The following DPP10 variants were observed in gnomAD, a reference collection of about 807,000 sequenced individuals.
DPP10 encodes inactive dipeptidyl peptidase 10.
A neutral mutation model predicts 120.9 loss-of-function variants in DPP10; 33 were observed. The ratio of observed to expected loss-of-function variants is 0.27; its 90% CI spans 0.21 to 0.37. The LOEUF (loss-of-function observed/expected upper bound fraction) is 0.37, where lower values mean the gene tolerates loss of function less well. Ranked by LOEUF, DPP10 falls within the 10% of genes least tolerant of loss-of-function variation. DPP10 has a pLI of 1.00. For synonymous variants in DPP10, 337 were observed against 326.1 expected (o/e 1.03, Z -0.36); for missense variants, 816 against 942.8 (o/e 0.87, Z 1.76).
chr2:114,485,460 C>CTT (rs1175079608), intron 1 of DPP10, among the ~76,000 whole-genome samples: 12 of 137,288 alleles, frequency 8.7e-5, no homozygotes, highest in African/African-American at 3.3e-4. Flanking sequence ...TCAGGAAAAA[C>CTT]TGTTTTTTTT....
intron 1 of DPP10, 27 bp downstream of exon 1, chr2:114,442,865 C>A: frequency 6.8e-6 from 11 of 1,612,636 alleles, no homozygotes; most frequent in Non-Finnish European, 9.3e-6. Context: ...CCCTCTGCTT[C>A]TGCACATGTG....
At chr2:114,861,216 A>C (rs1689785328) in intron 1 of DPP10, among the ~76,000 whole-genome samples, 1 of 152,334 alleles carries the variant, frequency 6.6e-6, no homozygotes, top group Admixed American at 6.5e-5. Context: ...GAGAGTAGGC[A>C]GACTGTACCC....
intron 3 of DPP10, among the ~76,000 whole-genome samples, chr2:115,399,367 CT>C (rs1409802201): frequency 1.3e-5 from 2 of 152,106 alleles, no homozygotes; most frequent in African/African-American, 2.4e-5. Context: ...ATGATCAAAA[CT>C]CTTGATAGGC....
At chr2:115,557,988 A>G (rs564512705) in intron 5 of DPP10, among the ~76,000 whole-genome samples, 14 of 152,302 alleles carry the variant, frequency 9.2e-5, no homozygotes, top group African/African-American at 3.1e-4. Context: ...TTTCCTTATC[A>G]TCTCTGGGAA....
intron 1 of DPP10, among the ~76,000 whole-genome samples, chr2:114,756,055 AG>A (rs1679713758): frequency 6.6e-6 from 1 of 152,196 alleles, no homozygotes; most frequent in Non-Finnish European, 1.5e-5. Context: ...CTTGAGAACA[AG>A]TATAGAAATA....
chr2:115,368,630 A>C (rs1390407607), intron 3 of DPP10, among the ~76,000 whole-genome samples: 1 of 151,994 alleles, frequency 6.6e-6, no homozygotes, highest in Non-Finnish European at 1.5e-5. Context: ...GTAGAAATGT[A>C]CTTATTACTA....
chr2:115,524,666 G>T (rs998663028), intron 4 of DPP10, among the ~76,000 whole-genome samples: 1 of 152,020 alleles, frequency 6.6e-6, no homozygotes, highest in South Asian at 2.1e-4. Context: ...ACTTGTAATC[G>T]CATGATTGAT....
At chr2:115,839,387 T>G (rs1689850301) in intron 24 of DPP10, among the ~76,000 whole-genome samples, 1 of 152,114 alleles carries the variant, frequency 6.6e-6, no homozygotes. Context: ...TTAAAAATGT[T>G]AGCTTAGGCT....
intron 1 of DPP10, among the ~76,000 whole-genome samples, chr2:114,663,271 T>TATATATATATAC (rs375462897): frequency 0.014 from 2,028 of 146,874 alleles, 29 homozygotes; most frequent in Admixed American, 0.02. Flanking sequence ...TATATATATA[T>TATATATATATAC]ACACACACAT....
intron 1 of DPP10, among the ~76,000 whole-genome samples, chr2:115,045,131 C>A (rs1430865679): frequency 6.6e-6 from 1 of 152,170 alleles, no homozygotes; most frequent in African/African-American, 2.4e-5. Flanking sequence ...TGGGTACATA[C>A]CGAGCAATGG....
At chr2:115,040,922 C>A (rs1704589356) in intron 1 of DPP10, among the ~76,000 whole-genome samples, 1 of 151,714 alleles carries the variant, frequency 6.6e-6, no homozygotes, top group African/African-American at 2.4e-5. Context: ...AGTTTGAGAC[C>A]AGCCTGGCCA....
intron 1 of DPP10, among the ~76,000 whole-genome samples, chr2:114,985,817 T>A (rs1000070496): frequency 6.6e-6 from 1 of 152,252 alleles, no homozygotes; most frequent in Non-Finnish European, 1.5e-5. Flanking sequence ...GTGTGTGTAA[T>A]GTCTACAGCT....
At chr2:115,738,210 C>T (rs1253236635) in intron 8 of DPP10, among the ~76,000 whole-genome samples, 2 of 152,102 alleles carry the variant, frequency 1.3e-5, no homozygotes, top group African/African-American at 4.8e-5. Flanking sequence ...GCCGTGTACC[C>T]GTTCCTATGT....
intron 1 of DPP10, among the ~76,000 whole-genome samples, chr2:114,932,820 A>T (rs1475697148): frequency 6.6e-6 from 1 of 152,216 alleles, no homozygotes; most frequent in African/African-American, 2.4e-5. Flanking sequence ...AAAAGAGAAA[A>T]GAAAAAATAA....
At chr2:114,730,018 G>A (rs774986677) in intron 1 of DPP10, among the ~76,000 whole-genome samples, 21 of 152,068 alleles carry the variant, frequency 1.4e-4, no homozygotes, top group African/African-American at 2.2e-4. Context: ...GCTGTGTGTC[G>A]TTCTATCAGA....
rs1415972013 is a variant in DPP10 at position 115,009,718 on chromosome 2, A to G, written c.61-299521A>G. Among the ~76,000 whole-genome samples the G allele has an allele frequency of 2.6e-5, 4 of 152,264 alleles. No homozygotes were observed. In the South Asian group the frequency reaches 6.2e-4, roughly 24 times the overall value. ...TGCAGCAAACCACCAAGGTGTGTGT[A>G]TACCTATGTAACACACCTGCACGTT... On this transcript the variant is annotated intron_variant, in intron 1 of 25. Transcript: ENST00000410059.
At chr2:114,594,208 A>G (rs1691697979) in intron 1 of DPP10, among the ~76,000 whole-genome samples, 1 of 152,036 alleles carries the variant, frequency 6.6e-6, no homozygotes. Flanking sequence ...CTCCCAGCAT[A>G]CATCTTTCTC....
At chr2:115,125,782 C>A (rs2050050546) in intron 1 of DPP10, among the ~76,000 whole-genome samples, 1 of 151,948 alleles carries the variant, frequency 6.6e-6, no homozygotes, top group African/African-American at 2.4e-5. Context: ...CCGGGTTTCA[C>A]CACGTTAGCC....
rs561821644 is a variant in DPP10, at chr2:115,677,835, G to A, written c.442-11852G>A. 2.6e-5 allele frequency among the ~76,000 whole-genome samples: 4 copies of A among 152,220 alleles called. No homozygotes were observed. The South Asian group carries it at 6.2e-4, about 24-fold the overall frequency. Reference sequence around the variant, plus strand: ...TACAGTAAAAGCTGGGGACTTTAACGCCTGACTCTAAGCATGAAACATATC... The same window carrying A: ...TACAGTAAAAGCTGGGGACTTTAACACCTGACTCTAAGCATGAAACATATC... On this transcript the variant is annotated intron_variant, in intron 5 of 25. Coordinates refer to ENST00000410059, the MANE Select transcript of DPP10 (RefSeq NM_020868.6).
Sources: allele counts gnomAD v4.1 joint callset (sites outside exome capture counted in the v4.1 genomes callset), GRCh38; gene constraint gnomAD v4.1.1; transcripts MANE v1.5; gene names NCBI Gene and HGNC (gene_info 2026-07-23, HGNC 2026-07-21).